The following CYP11B2 variants were observed in gnomAD, a reference collection of about 807,000 sequenced individuals.
CYP11B2 encodes cytochrome P450 11B2, mitochondrial.
Under a neutral mutation model 49.3 loss-of-function variants are expected in CYP11B2, and 38 were observed. The ratio of observed to expected loss-of-function variants is 0.77; its 90% CI spans 0.59 to 1.01. CYP11B2 has a LOEUF of 1.01. CYP11B2 is among the 50% of genes least tolerant of loss of function. The pLI is 0.00. For missense variants in CYP11B2, 669 were observed against 655.5 expected, an observed-to-expected ratio of 1.02 and a Z score of -0.23; for synonymous variants, 290 against 269.3, an observed-to-expected ratio of 1.08 and a Z score of -0.75.
In CYP11B2 at chr8:142,911,932, C is replaced by G; in HGVS notation, c.*48G>C. The G allele has an allele frequency of 6.2e-7, 1 of 1,613,270 alleles. No individual in the cohort carries two copies. The highest frequency in any genetic ancestry group is 8.5e-7 in the Non-Finnish European group (1 of 1,179,570). Reference sequence around the variant, plus strand: ...AGAAGACAGGTGGCCTGGGGTCAGGCAGAGGGAAGCTGGTGGCCAGGCTGG... The same window carrying G: ...AGAAGACAGGTGGCCTGGGGTCAGGGAGAGGGAAGCTGGTGGCCAGGCTGG... On this transcript the variant is annotated 3_prime_UTR_variant, in exon 9 of 9. Transcript: ENST00000323110.
rs1303329472 is a variant in CYP11B2, at chr8:142,914,793, G to A, written c.711C>T (p.Leu237=). The change falls in exon 4 of 9, where the codon CTC becomes CTT. Residue 237 remains leucine (L), a synonymous_variant. Coordinates refer to ENST00000323110, the MANE Select transcript of CYP11B2 (RefSeq NM_000498.3). ...LEVMFKSTVQ[L]MFMPRSLSRW... The stretch of plus-strand genomic sequence containing the variant: ...GAGACAGGCTCCTGGGCATGAACAT[G>A]AGCTGGACGGTGGATTTGAACATGA... The A allele has an allele frequency of 6.2e-7, 1 of 1,613,700 alleles. No homozygotes were observed. The highest frequency in any genetic ancestry group is 1.1e-5 in the South Asian group (1 of 91,002).
rs28390200 is a variant in CYP11B2 at position 142,911,236 on chromosome 8, C to T, written c.*744G>A. Reference sequence around the variant, plus strand: ...CTCTTCCATCTCCTGACAGCATCCTCGGGACCTTCTCCAGGGGACAGCTCA... The same window carrying T: ...CTCTTCCATCTCCTGACAGCATCCTTGGGACCTTCTCCAGGGGACAGCTCA... On this transcript the variant is annotated 3_prime_UTR_variant, in exon 9 of 9. Transcript: ENST00000323110. 16,270 of 152,206 alleles carry T rather than the reference C, an allele frequency of 0.11. 1,050 individuals carry two copies. Among genetic ancestry groups the T allele is most frequent in the Middle Eastern group, 0.18 (53 of 294 alleles). 9.4% of individuals were successfully genotyped at this position (152,206 alleles called of 1,614,324 possible).
Position 142,915,068 on chromosome 8 carries a change from G to T in CYP11B2, c.573C>A (p.Ser191Arg). The change falls in exon 3 of 9, where the codon AGC becomes AGA. Residue 191 changes from serine to arginine, a missense_variant. By Grantham distance (110) the Ser-to-Arg change is moderately radical. Transcript: ENST00000323110. ...CACCTTCTATGGTGTAGTGGAAGATGCTGGGCTGGACGTCCAGGGTCAGGC... is the reference window on the plus strand; with the variant it reads ...CACCTTCTATGGTGTAGTGGAAGATTCTGGGCTGGACGTCCAGGGTCAGGC... ...RGSLTLDVQPSIFHYTIEASN... is the reference protein window; with the variant it reads ...RGSLTLDVQPRIFHYTIEASN... 1 of 1,613,860 alleles carries T rather than the reference G, an allele frequency of 6.2e-7. No homozygotes were observed. The highest frequency in any genetic ancestry group is 8.5e-7 in the Non-Finnish European group (1 of 1,179,946).
chr8:142,917,767 C>T lies in CYP11B2; in HGVS notation c.74G>A (p.Gly25Asp). The change falls in exon 1 of 9, where the codon GGC becomes GAC. Residue 25 changes from glycine (G) to aspartate (D), a missense_variant. Gly to Asp is a moderately conservative substitution (Grantham distance 94). Coordinates refer to ENST00000323110, the MANE Select transcript of CYP11B2 (RefSeq NM_000498.3). ...CCTAGGGGCCCGAGCGGCTCTAGTG[C>T]CCAGTGCCCGTGCCCTTTGCAGGGA... ...WLSLQRARAL[G>D]TRAARAPRTV... 2 of 1,614,222 alleles carry T rather than the reference C, an allele frequency of 1.2e-6. No individual in the cohort carries two copies. The highest frequency in any genetic ancestry group is 8.5e-7 in the Non-Finnish European group (1 of 1,180,044).
intron 2 of CYP11B2, chr8:142,916,322 A>G (rs1401654488): frequency 2.4e-4 from 103 of 437,696 alleles, no homozygotes; most frequent in South Asian, 1.6e-3. Flanking sequence ...CACTATTCCC[A>G]ATAGCGTTCC....
rs1817565448 is a variant in CYP11B2, at chr8:142,912,891, G to T, written c.1122-6C>A. 6.2e-7 allele frequency: 1 copy of T among 1,612,072 alleles called. No individual in the cohort carries two copies. The highest frequency in any genetic ancestry group is 1.3e-5 in the African/African-American group (1 of 74,808). ...ACAGACCCACAGGGTAGAGCCTGGA[G>T]GTGGGGGCATCCATAGAAAGGGTCC... On this transcript the variant is annotated splice_region_variant and splice_polypyrimidine_tract_variant and intron_variant, in intron 6 of 8. Transcript: ENST00000323110.
chr8:142,911,739 G>A lies in CYP11B2; in HGVS notation c.*241C>T. 1 of 566,598 alleles carries A rather than the reference G, an allele frequency of 1.8e-6. No homozygotes were observed. The highest frequency in any genetic ancestry group is 2.0e-5 in the South Asian group (1 of 49,912). The allele number at this position is 566,598 out of a possible 1,614,324, so 35.1% of individuals were successfully genotyped here. On this transcript the variant is annotated 3_prime_UTR_variant, in exon 9 of 9. Coordinates refer to ENST00000323110, the MANE Select transcript of CYP11B2 (RefSeq NM_000498.3). Reference sequence around the variant, plus strand: ...CTGCTTGCTGGAGAAGGGGCCAGGTGGAGCTGGGGACAAGGCCAGGCCCTG... The same window carrying A: ...CTGCTTGCTGGAGAAGGGGCCAGGTAGAGCTGGGGACAAGGCCAGGCCCTG...
chr8:142,913,532 T>G lies in CYP11B2; in HGVS notation c.955-81A>C, dbSNP rs1277782159. On this transcript the variant is annotated intron_variant, in intron 5 of 8. Transcript: ENST00000323110. ...GACACCCCTCCCAGGACAACCTCCC[T>G]CTGAGGGGTGGAGACATCCATGCCC... The G allele has an allele frequency of 6.4e-6, 10 of 1,550,820 alleles. No homozygotes were observed. In the Admixed American group the frequency reaches 1.7e-4, roughly 26 times the overall value.
intron 3 of CYP11B2, 41 bp downstream of exon 3, chr8:142,915,005 T>C: frequency 6.2e-7 from 1 of 1,612,642 alleles, no homozygotes; most frequent in Non-Finnish European, 8.5e-7. Flanking sequence ...CCCTGGCCAC[T>C]CCAGGGTCTC....
At position 142,912,695 on chromosome 8, in the gene CYP11B2, AC is replaced by A; in HGVS notation, c.1232del (p.Gly411ValfsTer19). 1.2e-6 allele frequency: 2 copies of A among 1,614,120 alleles called. No individual in the cohort carries two copies. The highest frequency in any genetic ancestry group is 1.7e-6 in the Non-Finnish European group (2 of 1,179,992). On this transcript the variant is annotated frameshift_variant, in exon 8 of 9. Transcript: ENST00000323110. LOFTEE classifies it high-confidence loss of function. The stretch of plus-strand genomic sequence containing the variant: ...GCCTCGGGAACAAGGCGGCATTGCG[AC>A]CCAGCGAGTAGAGGAAAACCTGTAC... ...TLVQVFLYSL[G>X]RNAALFPRPE...
At chr8:142,915,879 C>CAAAG (rs1234417624) in intron 2 of CYP11B2, among the ~76,000 whole-genome samples, 3 of 152,288 alleles carry the variant, frequency 2.0e-5, no homozygotes, top group Non-Finnish European at 4.4e-5. Context: ...CTGCAAAACT[C>CAAAG]CTTTATTTAT....
rs5314 is a variant in CYP11B2, at chr8:142,912,739, G to A, written c.1201-12C>T. The A allele has an allele frequency of 7.1e-4, 1,146 of 1,613,682 alleles. 13 individuals are homozygous for A. In the African/African-American group the frequency reaches 0.013, roughly 18 times the overall value. On this transcript the variant is annotated splice_polypyrimidine_tract_variant and intron_variant, in intron 7 of 8. Coordinates refer to ENST00000323110, the MANE Select transcript of CYP11B2 (RefSeq NM_000498.3). ...ACCTGTACCAATGTCTGCGGACGGT[G>A]CAGAGCAGGGATCAGGGAATGACTG...
intron 1 of CYP11B2, 90 bp from the exon 2 acceptor site, chr8:142,917,304 C>G (rs1334797079): frequency 2.7e-6 from 4 of 1,487,028 alleles, no homozygotes; most frequent in Non-Finnish European, 3.7e-6. Context: ...CTCCTGTCCA[C>G]CCTCCCTGCT....
intron 5 of CYP11B2, 100 bp from the exon 6 acceptor site, chr8:142,913,551 C>T: frequency 7.3e-7 from 1 of 1,365,208 alleles, no homozygotes; most frequent in Non-Finnish European, 1.0e-6. Context: ...TGGAGACATC[C>T]ATGCCCTGAG....
intron 4 of CYP11B2, 47 bp from the exon 5 acceptor site, chr8:142,914,465 C>A (rs1248502022): frequency 6.4e-7 from 1 of 1,554,950 alleles, no homozygotes; most frequent in East Asian, 2.3e-5. Context: ...TGCTGGGAAG[C>A]ATCCTTCAGT....
chr8:142,912,547 G>T lies in CYP11B2; in HGVS notation c.1381C>A (p.Leu461Met). 1.2e-6 allele frequency: 2 copies of T among 1,613,066 alleles called. No homozygotes were observed. Among genetic ancestry groups the T allele is most frequent in the Non-Finnish European group, 1.7e-6 (2 of 1,179,442 alleles). Residue 461 changes from leucine to methionine, a missense_variant, in exon 8 of 9, where the codon CTG becomes ATG. Transcript: ENST00000323110. ...CTGCTTACGTGGTGCAGCAGCAGCA[G>T]CATCTCTGCCTCTGCCAGGCGCCGC... The part of the protein sequence containing the change: ...LGRRLAEAEM[L>M]LLLHHVLKHF...
chr8:142,913,577 G>T (rs1817581124), intron 5 of CYP11B2, 126 bp from the exon 6 acceptor site: 2 of 1,135,356 alleles, frequency 1.8e-6, no homozygotes, highest in Non-Finnish European at 2.6e-6. Flanking sequence ...ACAGAGCCCT[G>T]GGACCCCGGA....
chr8:142,916,864 A>G (rs1456531838), intron 2 of CYP11B2, among the ~76,000 whole-genome samples, 195 bp downstream of exon 2: 1 of 151,748 alleles, frequency 6.6e-6, no homozygotes, highest in African/African-American at 2.4e-5. Context: ...TTTCTCCACC[A>G]CCGCCCTGCT....
chr8:142,915,104 G>A lies in CYP11B2; in HGVS notation c.537C>T (p.Asn179=), dbSNP rs200206561. Residue 179 remains asparagine (N), a synonymous_variant, in exon 3 of 9, where the codon AAC becomes AAT. Transcript: ENST00000323110. ...SQALKKKVLQ[N]ARGSLTLDVQ... is the part of the protein sequence containing the mutation. ...CGTCCAGGGTCAGGCTCCCCCGGGC[G>A]TTCTGCAGCACCTTCTTCTTCAGGG... is the stretch of plus-strand genomic sequence containing the variant. 5.5e-5 allele frequency: 89 copies of A among 1,613,712 alleles called. No homozygotes were observed. Among genetic ancestry groups the A allele is most frequent in the Middle Eastern group, 1.6e-4 (1 of 6,074 alleles).
Sources: allele counts gnomAD v4.1 joint callset (sites outside exome capture counted in the v4.1 genomes callset), GRCh38; gene constraint gnomAD v4.1.1; transcripts MANE v1.5; gene names NCBI Gene and HGNC (gene_info 2026-07-23, HGNC 2026-07-21).